Variants in NRG1 observed in about 807,000 individuals in gnomAD.
NRG1 encodes pro-neuregulin-1, membrane-bound isoform.
NRG1 carries 18 observed loss-of-function variants against 63.8 expected under a neutral mutation model. That is an observed-to-expected ratio of 0.28 (90% CI 0.19 to 0.42). NRG1 has a LOEUF of 0.42. NRG1 is among the 10% of genes least tolerant of loss of function. The probability of loss-of-function intolerance (pLI) is 1.00; values close to 1 mark genes in which losing one functional copy is unlikely to be tolerated. For missense variants in NRG1, 762 were observed against 814.7 expected (o/e 0.94, Z 0.79); for synonymous variants, 302 against 301.3 (o/e 1.00, Z -0.02).
At chr8:32,560,095 A>T (rs532114787) in intron 1 of NRG1, among the ~76,000 whole-genome samples, 4 of 152,288 alleles carry the variant, frequency 2.6e-5, no homozygotes, top group African/African-American at 4.8e-5. Context: ...AGCTGTAAGG[A>T]CATCAATAAA....
intron 1 of NRG1, among the ~76,000 whole-genome samples, chr8:32,074,731 T>C (rs10086290): frequency 0.97 from 147,980 of 152,274 alleles, 72,048 homozygotes; most frequent in East Asian, 1. Context: ...TCATTGGAAA[T>C]AGCAATGTGA....
intron 1 of NRG1, among the ~76,000 whole-genome samples, chr8:31,651,740 A>G (rs1804864724): frequency 6.6e-6 from 1 of 152,196 alleles, no homozygotes; most frequent in Non-Finnish European, 1.5e-5. Context: ...TGGCAGCTCC[A>G]TGGCATTGGG....
intron 1 of NRG1, chr8:32,441,309 A>G (rs999887124): frequency 6.6e-6 from 1 of 152,102 alleles, no homozygotes; most frequent in African/African-American, 2.4e-5. Context: ...CGTGGTAGCA[A>G]CCATCCAAGC....
At chr8:31,682,819 A>G (rs977947491) in intron 1 of NRG1, among the ~76,000 whole-genome samples, 1 of 152,156 alleles carries the variant, frequency 6.6e-6, no homozygotes, top group Non-Finnish European at 1.5e-5. Flanking sequence ...TACAAGCTAA[A>G]TGATATATTA....
Position 31,930,144 on chromosome 8 carries a change from T to A in NRG1, c.37+290713T>A, listed in dbSNP as rs539134604. Among the ~76,000 whole-genome samples the A allele has an allele frequency of 3.3e-5, 5 of 152,268 alleles. No individual in the cohort carries two copies. The South Asian group carries it at 1.0e-3, about 32-fold the overall frequency. ...ACAGGATTCTTTTGAGTATGATTAGTGACATGAAGGTCCTGAATAATATCG... is the reference window on the plus strand; with the variant it reads ...ACAGGATTCTTTTGAGTATGATTAGAGACATGAAGGTCCTGAATAATATCG... On this transcript the variant is annotated intron_variant, in intron 1 of 10. Transcript: ENST00000519301.
intron 1 of NRG1, among the ~76,000 whole-genome samples, chr8:32,197,169 C>T (rs1411436126): frequency 6.6e-6 from 1 of 151,690 alleles, no homozygotes; most frequent in Non-Finnish European, 1.5e-5. Context: ...GCCATAATGG[C>T]CAGGCTGGTC....
intron 1 of NRG1, among the ~76,000 whole-genome samples, chr8:32,226,526 A>G (rs2132533938): frequency 6.6e-6 from 1 of 152,300 alleles, no homozygotes. Context: ...ACTTGCCTAA[A>G]TTAGAAAAAA....
chr8:31,926,682 G>A (rs1483135781), intron 1 of NRG1, among the ~76,000 whole-genome samples: 3 of 152,216 alleles, frequency 2.0e-5, no homozygotes, highest in South Asian at 4.1e-4. Context: ...AGTCTTGAGA[G>A]TACTAATAGT....
At chr8:32,400,350 G>C (rs1168360366) in intron 1 of NRG1, among the ~76,000 whole-genome samples, 1 of 152,130 alleles carries the variant, frequency 6.6e-6, no homozygotes, top group Non-Finnish European at 1.5e-5. Flanking sequence ...AGGTGTGGTG[G>C]TGCAACCCTA....
chr8:31,923,854 A>G (rs761953285), intron 1 of NRG1, among the ~76,000 whole-genome samples: 9 of 151,950 alleles, frequency 5.9e-5, no homozygotes, highest in Non-Finnish European at 8.8e-5. Context: ...TCCATCATCC[A>G]CTATCTCCCA....
At chr8:32,085,651 T>C (rs1828100970) in intron 1 of NRG1, among the ~76,000 whole-genome samples, 1 of 152,186 alleles carries the variant, frequency 6.6e-6, no homozygotes, top group South Asian at 2.1e-4. Flanking sequence ...ATTCCTAAGG[T>C]CTTTATTGTA....
chr8:31,646,212 T>G (rs1271439500), intron 1 of NRG1, among the ~76,000 whole-genome samples: 1 of 152,242 alleles, frequency 6.6e-6, no homozygotes, highest in African/African-American at 2.4e-5. Flanking sequence ...AGGCTCTGTC[T>G]TTGGACATCT....
chr8:32,059,550 C>T lies in NRG1; in HGVS notation c.37+420119C>T, dbSNP rs1823514341. The stretch of plus-strand genomic sequence containing the variant: ...TTGCATACTCTCATATTTGTGTGAC[C>T]CTTTGGCCGACGATAGAATTCTAGG... On this transcript the variant is annotated intron_variant, in intron 1 of 10. Coordinates refer to the NRG1 transcript ENST00000519301. Among the ~76,000 whole-genome samples, 6 of 151,886 alleles carry T rather than the reference C, an allele frequency of 4.0e-5. No homozygotes were observed. The South Asian group carries it at 1.2e-3, about 32-fold the overall frequency.
chr8:32,681,582 CT>C (rs1421037332), intron 5 of NRG1, among the ~76,000 whole-genome samples: 1 of 152,130 alleles, frequency 6.6e-6, no homozygotes, highest in Non-Finnish European at 1.5e-5. Flanking sequence ...ATAACAGCAT[CT>C]TTTACACAGT....
At chr8:31,655,398 G>C (rs900826662) in intron 1 of NRG1, among the ~76,000 whole-genome samples, 1 of 152,184 alleles carries the variant, frequency 6.6e-6, no homozygotes, top group Non-Finnish European at 1.5e-5. Flanking sequence ...TAGTCTGAAA[G>C]ATACAAGAAG....
intron 1 of NRG1, among the ~76,000 whole-genome samples, chr8:32,355,694 T>C (rs752097309): frequency 6.6e-6 from 1 of 151,930 alleles, no homozygotes; most frequent in Non-Finnish European, 1.5e-5. Context: ...GTAAAAAAAT[T>C]CTTTGCAAAA....
intron 1 of NRG1, among the ~76,000 whole-genome samples, chr8:32,152,269 C>A (rs902882980): frequency 6.6e-6 from 1 of 152,194 alleles, no homozygotes; most frequent in Admixed American, 6.5e-5. Context: ...GTAGAGAACA[C>A]TTTGTGGTTC....
At chr8:31,872,914 T>C (rs571327718) in intron 1 of NRG1, among the ~76,000 whole-genome samples, 1 of 152,356 alleles carries the variant, frequency 6.6e-6, no homozygotes, top group African/African-American at 2.4e-5. Context: ...CTTTGAATTC[T>C]CTCCCTTTCC....
intron 1 of NRG1, among the ~76,000 whole-genome samples, chr8:32,355,482 C>G (rs1201193442): frequency 6.6e-6 from 1 of 152,070 alleles, no homozygotes; most frequent in Non-Finnish European, 1.5e-5. Context: ...TGGCAAATAG[C>G]AAAGGGGATA....
Sources: gnomAD v4.1 joint callset for allele counts (sites outside exome capture counted in the v4.1 genomes callset) on GRCh38, gnomAD v4.1.1 for gene constraint, MANE v1.5 for transcripts, NCBI Gene and HGNC (gene_info 2026-07-23, HGNC 2026-07-21) for gene names.